SLC22A23: variants seen among roughly 807,000 people sequenced by gnomAD.
SLC22A23 encodes the protein solute carrier family 22 member 23.
In SLC22A23, 26 loss-of-function variants were observed where a neutral mutation model predicts 61.0. The observed-to-expected ratio is 0.43, with a 90% CI of 0.31 to 0.59. The LOEUF (loss-of-function observed/expected upper bound fraction) is 0.59, where lower values mean the gene tolerates loss of function less well. SLC22A23 is among the 20% of genes least tolerant of loss of function. The pLI is 0.11. For missense variants in SLC22A23, 796 were observed against 934.7 expected (o/e 0.85, Z 1.94); for synonymous variants, 430 against 413.9 (o/e 1.04, Z -0.47).
At chr6:3,438,524 G>A (rs1213214187) in intron 1 of SLC22A23, 6 of 456,588 alleles carry the variant, frequency 1.3e-5, no homozygotes, top group East Asian at 6.9e-5. Flanking sequence ...TGTGTCCCAC[G>A]GGAGAGCTCC....
chr6:3,353,735 C>T (rs751364496), intron 3 of SLC22A23, among the ~76,000 whole-genome samples: 15 of 152,146 alleles, frequency 9.9e-5, no homozygotes, highest in African/African-American at 2.7e-4. Flanking sequence ...AATGTACTCA[C>T]GTGATTTCTG....
intron 9 of SLC22A23, among the ~76,000 whole-genome samples, chr6:3,280,814 A>G (rs1759405141): frequency 6.6e-6 from 1 of 152,084 alleles, no homozygotes; most frequent in Non-Finnish European, 1.5e-5. Context: ...ACAACTTTTT[A>G]AAGAAGTTGA....
intron 3 of SLC22A23, among the ~76,000 whole-genome samples, chr6:3,331,101 T>C (rs755470253): frequency 6.6e-6 from 1 of 152,220 alleles, no homozygotes; most frequent in African/African-American, 2.4e-5. Flanking sequence ...ATGCTCATTT[T>C]ACATGAGAGG....
intron 2 of SLC22A23, among the ~76,000 whole-genome samples, chr6:3,413,617 T>C (rs72844631): frequency 0.13 from 19,851 of 152,246 alleles, 1,869 homozygotes; most frequent in African/African-American, 0.25. Context: ...GTGTCAAAAA[T>C]GTAACTTTTT....
Position 3,280,490 on chromosome 6 carries a change from CTTTTTTT to C in SLC22A23, c.1703+3355_1703+3361del, listed in dbSNP as rs1163139930. On this transcript the variant is annotated intron_variant, in intron 9 of 9. Coordinates refer to ENST00000406686, the MANE Select transcript of SLC22A23 (RefSeq NM_015482.2). ...CAGATGTGACATTTTTAAGACACAA[CTTTTTTT>C]TTTTTTTTTTTTTTTTGAGATGGAG... 2.2e-3 allele frequency among the ~76,000 whole-genome samples: 128 copies of C among 57,292 alleles called. 2 individuals carry two copies. The highest frequency in any genetic ancestry group is 0.019 in the Middle Eastern group (2 of 104). The allele number at this position is 57,292 out of a possible 152,430, so 37.6% of individuals were successfully genotyped here.
chr6:3,353,498 C>T (rs1424633475), intron 3 of SLC22A23, among the ~76,000 whole-genome samples: 1 of 152,162 alleles, frequency 6.6e-6, no homozygotes, highest in Admixed American at 6.5e-5. Flanking sequence ...CTGGGATTCA[C>T]GATGTCACCT....
intron 1 of SLC22A23, among the ~76,000 whole-genome samples, chr6:3,424,955 GC>G (rs1208344159): frequency 6.6e-6 from 1 of 152,180 alleles, no homozygotes; most frequent in African/African-American, 2.4e-5. Context: ...CTAAGCTAAT[GC>G]TCAGAATGAG....
rs1039075251 is a variant in SLC22A23 at position 3,330,328 on chromosome 6, A to C, written c.914-6326T>G. 5.3e-5 allele frequency among the ~76,000 whole-genome samples: 8 copies of C among 152,210 alleles called. No homozygotes were observed. The highest frequency in any genetic ancestry group is 1.9e-4 in the African/African-American group (8 of 41,456). ...CCAACCTGGTTCAGGCTTGGCCCTA[A>C]GCTGCTGACACCCACCTGGAGACCA... On this transcript the variant is annotated intron_variant, in intron 3 of 9. Coordinates refer to ENST00000406686, the MANE Select transcript of SLC22A23 (RefSeq NM_015482.2). The surrounding 1 kb of genome is among the most constrained non-coding windows in gnomAD (Gnocchi z 4.7).
At chr6:3,319,391 C>T (rs1762819840) in intron 4 of SLC22A23, among the ~76,000 whole-genome samples, 2 of 152,208 alleles carry the variant, frequency 1.3e-5, no homozygotes, top group Admixed American at 1.3e-4. Context: ...TCAGCACAAA[C>T]ATCAGCCCCT....
Position 3,425,837 on chromosome 6 carries a change from A to G in SLC22A23, c.655-9982T>C, listed in dbSNP as rs549448606. Among the ~76,000 whole-genome samples, 3 of 152,272 alleles carry G rather than the reference A, an allele frequency of 2.0e-5. No homozygotes were observed. The South Asian group carries it at 6.2e-4, about 32-fold the overall frequency. ...TCAAGTGTCTCTTACATAAATTATA[A>G]ATCTGTATCTGATTGAAACTCAGGT... On this transcript the variant is annotated intron_variant, in intron 1 of 9. Coordinates refer to ENST00000406686, the MANE Select transcript of SLC22A23 (RefSeq NM_015482.2).
chr6:3,277,239 G>C (rs1399998692), intron 9 of SLC22A23, among the ~76,000 whole-genome samples: 1 of 152,022 alleles, frequency 6.6e-6, no homozygotes, highest in African/African-American at 2.4e-5. Context: ...GGCATGACAT[G>C]GAGTCCTAAA....
intron 9 of SLC22A23, among the ~76,000 whole-genome samples, chr6:3,275,412 AT>A (rs1305977286): frequency 6.6e-6 from 1 of 152,240 alleles, no homozygotes; most frequent in Non-Finnish European, 1.5e-5. Flanking sequence ...TTAGGCAAAG[AT>A]TTCTTACACA....
chr6:3,439,638 T>C (rs1311834955), intron 1 of SLC22A23, among the ~76,000 whole-genome samples: 1 of 152,244 alleles, frequency 6.6e-6, no homozygotes, highest in Non-Finnish European at 1.5e-5. Flanking sequence ...TTTATTCTTG[T>C]CATCTTAGAA....
chr6:3,402,516 AT>A (rs1361151798), intron 3 of SLC22A23, among the ~76,000 whole-genome samples: 17 of 145,454 alleles, frequency 1.2e-4, no homozygotes, highest in East Asian at 4.0e-4. Context: ...AACCCCAATC[AT>A]CCACACTACA....
Position 3,308,841 on chromosome 6 carries a change from T to G in SLC22A23, c.1083-10623A>C, listed in dbSNP as rs113960295. On this transcript the variant is annotated intron_variant, in intron 4 of 9. Transcript: ENST00000406686. This position sits in a 1 kb window ranked among gnomAD's most constrained non-coding sequence, Gnocchi z 5.1. ...GCCTGTAATCCCAGCTACTCAGGAG[T>G]CTAAGGCAGGAGAATCACTTGAACC... Among the ~76,000 whole-genome samples, 2,229 of 140,168 alleles carry G rather than the reference T, an allele frequency of 0.016. 50 individuals are homozygous for G. The highest frequency in any genetic ancestry group is 0.056 in the African/African-American group (2,114 of 37,630). 92.0% of individuals were successfully genotyped at this position (140,168 alleles called of 152,430 possible). A position where few individuals can be genotyped will look rare whatever the true frequency, so the allele number is the denominator to read the frequency against.
At chr6:3,444,952 C>T (rs1461576492) in intron 1 of SLC22A23, 2 of 985,490 alleles carry the variant, frequency 2.0e-6, no homozygotes, top group South Asian at 4.7e-5. Context: ...TCATCCCGGT[C>T]GTCCTCACCC....
intron 3 of SLC22A23, among the ~76,000 whole-genome samples, chr6:3,404,873 T>C (rs1015341600): frequency 1.3e-5 from 2 of 151,880 alleles, no homozygotes; most frequent in South Asian, 2.1e-4. Context: ...GTGAAGAAAA[T>C]GACCAATGGA....
At chr6:3,321,391 C>A (rs1238949786) in intron 4 of SLC22A23, among the ~76,000 whole-genome samples, 1 of 151,252 alleles carries the variant, frequency 6.6e-6, no homozygotes, top group Non-Finnish European at 1.5e-5. Flanking sequence ...CACATGCACA[C>A]ACGTACACAT....
At chr6:3,283,211 C>T (rs1477005663) in intron 9 of SLC22A23, among the ~76,000 whole-genome samples, 25 of 151,554 alleles carry the variant, frequency 1.6e-4, no homozygotes, top group Admixed American at 1.6e-3. Flanking sequence ...GTGGGGGGAT[C>T]ACCTGAGGTC....
Sources: gnomAD v4.1 joint callset for allele counts (sites outside exome capture counted in the v4.1 genomes callset) on GRCh38, gnomAD v4.1.1 for gene constraint, Gnocchi (gnomAD v3.1) non-coding constraint, MANE v1.5 for transcripts, NCBI Gene and HGNC (gene_info 2026-07-23, HGNC 2026-07-21) for gene names.